Variants in SCMH1 observed in about 807,000 individuals in gnomAD.
The protein encoded by SCMH1 is polycomb protein SCMH1.
A neutral mutation model predicts 70.8 loss-of-function variants in SCMH1; 37 were observed. The observed-to-expected ratio is 0.52, with a 90% confidence interval of 0.40 to 0.69. The LOEUF (loss-of-function observed/expected upper bound fraction) is 0.69. Among genes scored for constraint, SCMH1 ranks in the 30% least tolerant of loss-of-function variants. The pLI is 0.00. For missense variants in SCMH1, 607 were observed against 827.3 expected, an observed-to-expected ratio of 0.73 and a Z score of 3.27; for synonymous variants, 292 against 307.4, an observed-to-expected ratio of 0.95 and a Z score of 0.52.
chr1:41,159,413 C>T (rs1212691192), intron 4 of SCMH1, among the ~76,000 whole-genome samples: 1 of 152,184 alleles, frequency 6.6e-6, no homozygotes, highest in Non-Finnish European at 1.5e-5. Flanking sequence ...CCAAAAACAA[C>T]AGCAGCTATC....
rs542087652 is a variant in SCMH1 at position 41,216,304 on chromosome 1, G to A, written c.-118+25755C>T. Among the ~76,000 whole-genome samples, 5 of 152,262 alleles carry A rather than the reference G, an allele frequency of 3.3e-5. No homozygotes were observed. In the South Asian group the frequency reaches 1.0e-3, roughly 32 times the overall value. On this transcript the variant is annotated intron_variant, in intron 1 of 14. Transcript: ENST00000337495. ...CCAAATAAGTATAACTCCTCATTAAGGTAGGCAAAAGTTGTGTTCTTGAAA... is the reference window on the plus strand; with the variant it reads ...CCAAATAAGTATAACTCCTCATTAAAGTAGGCAAAAGTTGTGTTCTTGAAA...
At chr1:41,130,051 C>T (rs1469804997) in intron 6 of SCMH1, among the ~76,000 whole-genome samples, 2 of 152,078 alleles carry the variant, frequency 1.3e-5, no homozygotes, top group Non-Finnish European at 1.5e-5. Context: ...CATCTCAATG[C>T]AGTTTTAATT....
At chr1:41,230,731 G>A (rs981864532) in intron 1 of SCMH1, among the ~76,000 whole-genome samples, 2 of 152,006 alleles carry the variant, frequency 1.3e-5, no homozygotes, top group Non-Finnish European at 2.9e-5. Flanking sequence ...TTAGGGGGCT[G>A]TTCACTGAAA....
At chr1:41,070,610 T>C in exon 10 of SCMH1, 2 of 1,614,142 alleles carry the variant, frequency 1.2e-6, no homozygotes, top group Non-Finnish European at 1.7e-6. Flanking sequence ...GGGGCCTGCA[T>C]GGCTGAGCTG....
intron 6 of SCMH1, among the ~76,000 whole-genome samples, chr1:41,119,150 T>C (rs970501866): frequency 6.6e-6 from 1 of 152,082 alleles, no homozygotes; most frequent in Non-Finnish European, 1.5e-5. Context: ...AATGTATGGG[T>C]AAAATGAAAA....
intron 10 of SCMH1, among the ~76,000 whole-genome samples, chr1:41,066,609 T>C (rs1377111492): frequency 6.6e-6 from 1 of 152,228 alleles, no homozygotes; most frequent in Admixed American, 6.5e-5. Context: ...GGTCTAGCTC[T>C]GTCACGCAGA....
chr1:41,185,862 T>C (rs1650062065), intron 2 of SCMH1: 1 of 253,698 alleles, frequency 3.9e-6, no homozygotes, highest in African/African-American at 2.2e-5. Flanking sequence ...TGACTTCAGG[T>C]GATCCGCCCA....
intron 1 of SCMH1, among the ~76,000 whole-genome samples, chr1:41,206,931 C>A (rs111832244): frequency 3.3e-5 from 5 of 152,112 alleles, no homozygotes; most frequent in South Asian, 2.1e-4. Context: ...TTTCATATCC[C>A]GCCAAACTAA....
At chr1:41,226,235 A>T (rs2148875977) in intron 1 of SCMH1, among the ~76,000 whole-genome samples, 1 of 152,348 alleles carries the variant, frequency 6.6e-6, no homozygotes, top group East Asian at 1.9e-4. Context: ...TTACACTTAC[A>T]AAATTATTAG....
At chr1:41,143,079 T>C in exon 6 of SCMH1, 1 of 1,614,148 alleles carries the variant, frequency 6.2e-7, no homozygotes, top group East Asian at 2.2e-5. Context: ...AATTTCATAC[T>C]GATCTTGAAC....
At chr1:41,217,002 G>A (rs1658225817) in intron 1 of SCMH1, among the ~76,000 whole-genome samples, 1 of 152,116 alleles carries the variant, frequency 6.6e-6, no homozygotes, top group Admixed American at 6.5e-5. Flanking sequence ...TACCAAGAGT[G>A]GTGCACTACT....
chr1:41,237,634 A>G (rs1662656553), intron 1 of SCMH1, among the ~76,000 whole-genome samples: 1 of 151,980 alleles, frequency 6.6e-6, no homozygotes. Context: ...CAATACTCAA[A>G]CCTGTGGTAG....
At chr1:41,233,403 A>G (rs1661691794) in intron 1 of SCMH1, among the ~76,000 whole-genome samples, 1 of 152,196 alleles carries the variant, frequency 6.6e-6, no homozygotes, top group African/African-American at 2.4e-5. Flanking sequence ...ACAGAAGAAT[A>G]AACAAAATTG....
intron 1 of SCMH1, among the ~76,000 whole-genome samples, chr1:41,214,926 G>C (rs556903454): frequency 8.5e-5 from 13 of 152,242 alleles, no homozygotes; most frequent in Non-Finnish European, 1.9e-4. Flanking sequence ...GAAAATGAAA[G>C]CGCTTCTTCA....
chr1:41,210,059 A>T (rs540861688), intron 1 of SCMH1, among the ~76,000 whole-genome samples: 1 of 152,190 alleles, frequency 6.6e-6, no homozygotes, highest in Non-Finnish European at 1.5e-5. Context: ...GCATTCCTAT[A>T]TATCAATAAC....
At chr1:41,092,637 A>T (rs1433203019) in intron 8 of SCMH1, among the ~76,000 whole-genome samples, 1 of 152,238 alleles carries the variant, frequency 6.6e-6, no homozygotes, top group African/African-American at 2.4e-5. Flanking sequence ...ACAAAAGGCT[A>T]ATATCCAGAA....
Position 41,086,402 on chromosome 1 carries a change from A to G in SCMH1, c.746-10951T>C, listed in dbSNP as rs996231251. On this transcript the variant is annotated intron_variant, in intron 8 of 14. Transcript: ENST00000337495. Reference sequence around the variant, plus strand: ...GAAAAATCCATATGAAGATAATTACAAAACACTGCTGAAAGACACACAAGT... The same window carrying G: ...GAAAAATCCATATGAAGATAATTACGAAACACTGCTGAAAGACACACAAGT... 2.0e-5 allele frequency among the ~76,000 whole-genome samples: 3 copies of G among 152,198 alleles called. No individual in the cohort carries two copies. The East Asian group carries it at 5.8e-4, about 29-fold the overall frequency.
At chr1:41,083,933 C>G (rs1660799165) in intron 8 of SCMH1, among the ~76,000 whole-genome samples, 1 of 152,162 alleles carries the variant, frequency 6.6e-6, no homozygotes, top group Non-Finnish European at 1.5e-5. Context: ...ATGTAGAAAG[C>G]TGAAACTGGA....
chr1:41,029,097 C>T (rs1644150819), intron 13 of SCMH1, among the ~76,000 whole-genome samples: 1 of 151,976 alleles, frequency 6.6e-6, no homozygotes, highest in Non-Finnish European at 1.5e-5. Flanking sequence ...AGACTGGTAG[C>T]CTGGTAAGAT....
Sources: gnomAD v4.1 joint callset for allele counts (sites outside exome capture counted in the v4.1 genomes callset) on GRCh38, gnomAD v4.1.1 for gene constraint, MANE v1.5 for transcripts, NCBI Gene and HGNC (gene_info 2026-07-23, HGNC 2026-07-21) for gene names.